Variants in MN1 observed in about 807,000 individuals in gnomAD.
MN1 encodes the protein MN1 proto-oncogene, transcriptional regulator, also known as transcriptional activator MN1.
A neutral mutation model predicts 86.9 loss-of-function variants in MN1; 19 were observed. The observed-to-expected ratio is 0.22, with a 90% CI of 0.15 to 0.32. The LOEUF is 0.32. MN1 is among the 10% of genes least tolerant of loss of function. MN1 has a pLI of 1.00. For synonymous variants in MN1, 928 were observed against 849.6 expected (o/e 1.09, Z -1.60); for missense variants, 1,841 against 1,862.0 (o/e 0.99, Z 0.21).
At chr22:27,778,044 G>A (rs945023496) in intron 1 of MN1, among the ~76,000 whole-genome samples, 1 of 152,120 alleles carries the variant, frequency 6.6e-6, no homozygotes, top group South Asian at 2.1e-4. Flanking sequence ...GTAACTGCCC[G>A]TGGAGAACCC....
chr22:27,758,684 T>A (rs1360441768), intron 1 of MN1, among the ~76,000 whole-genome samples: 2 of 152,176 alleles, frequency 1.3e-5, no homozygotes, highest in African/African-American at 4.8e-5. Context: ...GCCTCACCTT[T>A]CTTCTCTGTG....
chr22:27,761,980 AC>A (rs1932838279), intron 1 of MN1, among the ~76,000 whole-genome samples: 1 of 152,118 alleles, frequency 6.6e-6, no homozygotes, highest in Non-Finnish European at 1.5e-5. Context: ...AGTCCTAGGG[AC>A]TGTCCCTGGC....
chr22:27,788,168 G>A (rs746542503), intron 1 of MN1, among the ~76,000 whole-genome samples: 4 of 152,128 alleles, frequency 2.6e-5, no homozygotes, highest in African/African-American at 7.2e-5. Flanking sequence ...TCATGTTGAC[G>A]CATTTCTCCC....
intron 1 of MN1, among the ~76,000 whole-genome samples, chr22:27,788,677 A>ATG (rs756636474): frequency 1.4e-4 from 21 of 148,694 alleles, no homozygotes; most frequent in Admixed American, 5.4e-4. Context: ...GCAAGAAGTT[A>ATG]TGTGTGTGTG....
rs1270798843 is a variant in MN1 at position 27,796,960 on chromosome 22, C to A, written c.3584G>T (p.Gly1195Val). 1.2e-6 allele frequency: 2 copies of A among 1,612,368 alleles called. No individual in the cohort carries two copies. Among genetic ancestry groups the A allele is most frequent in the Non-Finnish European group, 1.7e-6 (2 of 1,179,720 alleles). Reference sequence around the variant, plus strand: ...GCAGCAGCTGCCCAGCTCGCTGTCGCCATTCTGCGCCCCTGAGGCCCCGAC... The same window carrying A: ...GCAGCAGCTGCCCAGCTCGCTGTCGACATTCTGCGCCCCTGAGGCCCCGAC... Reference protein sequence around the residue: ...CAVGASGAQNGDSELGSCCSE... With the variant: ...CAVGASGAQNVDSELGSCCSE... The change falls in exon 1 of 2, where the codon GGC becomes GTC. Residue 1195 changes from glycine to valine, a missense_variant. Transcript: ENST00000302326.
At chr22:27,781,328 G>A (rs948477027) in intron 1 of MN1, among the ~76,000 whole-genome samples, 1 of 152,198 alleles carries the variant, frequency 6.6e-6, no homozygotes, top group Non-Finnish European at 1.5e-5. Context: ...GGAGAGTAGT[G>A]AGGCCTGTCC....
At chr22:27,779,541 A>G (rs1459630932) in intron 1 of MN1, among the ~76,000 whole-genome samples, 1 of 152,194 alleles carries the variant, frequency 6.6e-6, no homozygotes. Flanking sequence ...CTCCGTGCCC[A>G]TAAGTGGTTC....
Position 27,798,709 on chromosome 22 carries a change from G to A in MN1, c.1835C>T (p.Ala612Val). ...NFEREGGSTG[A>V]GRLGTFEQQA... Reference sequence around the variant, plus strand: ...CTGCTCGAAGGTGCCCAGACGCCCGGCGCCCGTGCTGCCGCCTTCGCGCTC... The same window carrying A: ...CTGCTCGAAGGTGCCCAGACGCCCGACGCCCGTGCTGCCGCCTTCGCGCTC... The change falls in exon 1 of 2, where the codon GCC (alanine) becomes GTC (valine). Residue 612 changes from alanine to valine, a missense_variant. Ala to Val is a moderately conservative substitution (Grantham distance 64). Transcript: ENST00000302326. 6.5e-7 allele frequency: 1 copy of A among 1,535,288 alleles called. No individual in the cohort carries two copies. Among genetic ancestry groups the A allele is most frequent in the Non-Finnish European group, 8.7e-7 (1 of 1,147,028 alleles).
At chr22:27,789,241 A>G (rs919864376) in intron 1 of MN1, among the ~76,000 whole-genome samples, 7 of 152,168 alleles carry the variant, frequency 4.6e-5, no homozygotes, top group African/African-American at 1.7e-4. Flanking sequence ...GAAGTCCCCA[A>G]CTTTCCAAAG....
chr22:27,782,257 C>G (rs1031200329), intron 1 of MN1, among the ~76,000 whole-genome samples: 5 of 152,204 alleles, frequency 3.3e-5, no homozygotes, highest in African/African-American at 1.2e-4. Context: ...CCTCCCTTCC[C>G]CGGCCCCACA....
rs765402032 is a variant in MN1 at position 27,797,279 on chromosome 22, C to A, written c.3265G>T (p.Val1089Leu). Residue 1089 changes from valine to leucine, a missense_variant, in exon 1 of 2, where the codon GTA becomes TTA. Physicochemically the swap from Val to Leu is conservative, Grantham distance 32. Transcript: ENST00000302326. ...TGSPKLPPRG[V>L]GAGEHGPKAP... Reference sequence around the variant, plus strand: ...TTCGGTCCGTGTTCCCCGGCGCCTACCCCACGGGGAGGGAGTTTGGGCGAG... The same window carrying A: ...TTCGGTCCGTGTTCCCCGGCGCCTAACCCACGGGGAGGGAGTTTGGGCGAG... 4.4e-6 allele frequency: 7 copies of A among 1,594,606 alleles called. No individual in the cohort carries two copies. The South Asian group carries it at 4.4e-5, about 10-fold the overall frequency.
Position 27,797,187 on chromosome 22 carries a change from G to A in MN1, c.3357C>T (p.Gly1119=), listed in dbSNP as rs778126684. ...CCGGATGGCCCGGGCCCCCACCGCC[G>A]CCGTAGCTGTCAGGGGTCGAGGTAG... is the stretch of plus-strand genomic sequence containing the variant. ...SNSTSTPDSY[G]GGGGPGHPGT... is the part of the protein sequence containing the mutation. Residue 1119 remains glycine (G), a synonymous_variant, in exon 1 of 2, where the codon GGC becomes GGT. Coordinates refer to ENST00000302326, the MANE Select transcript of MN1 (RefSeq NM_002430.3). 473 of 1,557,982 alleles carry A rather than the reference G, an allele frequency of 3.0e-4. 3 individuals are homozygous for A. Among genetic ancestry groups the A allele is most frequent in the South Asian group, 1.4e-3 (122 of 86,344 alleles).
chr22:27,749,173 A>T lies in MN1; in HGVS notation c.*1742T>A, dbSNP rs1005699326. ...GCCAAAAGGACCGGCAGAAGGAAAG[A>T]GGGGAGAAGGGAGGGGAAAGAGTGA... On this transcript the variant is annotated 3_prime_UTR_variant, in exon 2 of 2. Coordinates refer to ENST00000302326, the MANE Select transcript of MN1 (RefSeq NM_002430.3). The T allele has an allele frequency of 3.9e-5, 9 of 231,456 alleles. No homozygotes were observed. Among genetic ancestry groups the T allele is most frequent in the African/African-American group, 2.0e-4 (9 of 45,358 alleles). The allele number at this position is 231,456 out of a possible 1,614,324, so 14.3% of individuals were successfully genotyped here.
intron 1 of MN1, among the ~76,000 whole-genome samples, chr22:27,785,771 C>A (rs1933125242): frequency 6.6e-6 from 1 of 150,636 alleles, no homozygotes; most frequent in Non-Finnish European, 1.5e-5. Flanking sequence ...CCCCTCCCAG[C>A]CCCACCACGG....
intron 1 of MN1, among the ~76,000 whole-genome samples, chr22:27,796,507 C>T (rs1933297599): frequency 6.6e-6 from 1 of 150,412 alleles, no homozygotes; most frequent in South Asian, 2.1e-4. Context: ...CAAAGGGCTG[C>T]CATCTAAGTT....
Position 27,756,381 on chromosome 22 carries a change from G to A in MN1, c.3782-5285C>T, listed in dbSNP as rs45594533. On this transcript the variant is annotated intron_variant, in intron 1 of 1. Transcript: ENST00000302326. ...GCCACGTGCTCAGGCGTCGTGAGCC[G>A]GGCGGAGGTGGCTGCCACCTCCCAC... Among the ~76,000 whole-genome samples, 953 of 152,146 alleles carry A rather than the reference G, an allele frequency of 6.3e-3. 8 individuals carry two copies. The highest frequency in any genetic ancestry group is 0.022 in the African/African-American group (910 of 41,512).
In MN1 at chr22:27,797,682, G is replaced by A. The variant is rs777174104; in HGVS notation, c.2862C>T (p.Ser954=). The A allele has an allele frequency of 1.9e-6, 3 of 1,607,422 alleles. No homozygotes were observed. The African/African-American group carries it at 4.0e-5, about 21-fold the overall frequency. The change falls in exon 1 of 2, where the codon AGC becomes AGT. Residue 954 remains serine, a synonymous_variant. Transcript: ENST00000302326. ...GRRKRDSGHV[S]PGTFFDKYSA... ...AGTACTTGTCAAAGAAGGTGCCAGGGCTCACGTGACCACTGTCCCTTTTTC... is the reference window on the plus strand; with the variant it reads ...AGTACTTGTCAAAGAAGGTGCCAGGACTCACGTGACCACTGTCCCTTTTTC...
At chr22:27,773,427 G>C (rs5997302) in intron 1 of MN1, among the ~76,000 whole-genome samples, 1 of 152,216 alleles carries the variant, frequency 6.6e-6, no homozygotes, top group South Asian at 2.1e-4. Flanking sequence ...TGCTTCAGGC[G>C]ACTCCAAACC....
At chr22:27,756,535 G>A (rs1471475715) in intron 1 of MN1, among the ~76,000 whole-genome samples, 1 of 152,128 alleles carries the variant, frequency 6.6e-6, no homozygotes, top group African/African-American at 2.4e-5. Context: ...GGGTATTCGG[G>A]AAGAAGGACA....
Sources: gnomAD v4.1 joint callset for allele counts (sites outside exome capture counted in the v4.1 genomes callset) on GRCh38, gnomAD v4.1.1 for gene constraint, MANE v1.5 for transcripts, NCBI Gene and HGNC (gene_info 2026-07-23, HGNC 2026-07-21) for gene names.